The following GNAZ variants were observed in gnomAD, a reference collection of about 807,000 sequenced individuals.
GNAZ encodes the protein guanine nucleotide-binding protein G(z) subunit alpha.
A neutral mutation model predicts 25.4 loss-of-function variants in GNAZ; 3 were observed. The ratio of observed to expected loss-of-function variants is 0.12; its 90% CI spans 0.05 to 0.30. GNAZ has a LOEUF of 0.30. GNAZ is among the 10% of genes least tolerant of loss of function. The pLI is 1.00. For missense variants in GNAZ, 241 were observed against 501.8 expected (o/e 0.48, Z 4.97); for synonymous variants, 211 against 205.7 (o/e 1.03, Z -0.22).
chr22:23,090,327 C>T (rs2068935700), intron 1 of GNAZ, among the ~76,000 whole-genome samples: 1 of 152,296 alleles, frequency 6.6e-6, no homozygotes, highest in African/African-American at 2.4e-5. Flanking sequence ...TCACCAGGCA[C>T]TGTGCACCGT....
At chr22:23,114,554 C>CA in intron 2 of GNAZ, among the ~76,000 whole-genome samples, 1 of 152,230 alleles carries the variant, frequency 6.6e-6, no homozygotes, top group Non-Finnish European at 1.5e-5. Flanking sequence ...TGTCACCTGT[C>CA]AGAGTTGTAG....
intron 1 of GNAZ, among the ~76,000 whole-genome samples, chr22:23,093,056 C>G (rs550301800): frequency 2.0e-5 from 3 of 152,344 alleles, no homozygotes; most frequent in Admixed American, 6.5e-5. Flanking sequence ...GACAAGGGAG[C>G]AGCCACAGGG....
At chr22:23,079,912 T>C (rs2068628023) in intron 1 of GNAZ, among the ~76,000 whole-genome samples, 1 of 152,134 alleles carries the variant, frequency 6.6e-6, no homozygotes, top group Admixed American at 6.5e-5. Flanking sequence ...GGGATGGGAT[T>C]GTGGGATGCC....
At chr22:23,100,606 C>A (rs533783686) in intron 2 of GNAZ, among the ~76,000 whole-genome samples, 2 of 152,340 alleles carry the variant, frequency 1.3e-5, no homozygotes, top group East Asian at 3.9e-4. Flanking sequence ...AACCCCTCCC[C>A]ACTCCAGGGC....
intron 1 of GNAZ, among the ~76,000 whole-genome samples, chr22:23,092,804 C>A (rs1477445943): frequency 2.0e-5 from 3 of 152,222 alleles, no homozygotes; most frequent in Non-Finnish European, 4.4e-5. Flanking sequence ...AGCTTCTCTG[C>A]CCACCACTGG....
intron 1 of GNAZ, among the ~76,000 whole-genome samples, chr22:23,080,504 A>G (rs2068646014): frequency 6.6e-6 from 1 of 152,232 alleles, no homozygotes; most frequent in African/African-American, 2.4e-5. Context: ...TGCTCGGACT[A>G]TGGCTTCAGG....
At chr22:23,073,169 A>G (rs1199356696) in intron 1 of GNAZ, among the ~76,000 whole-genome samples, 1 of 152,240 alleles carries the variant, frequency 6.6e-6, no homozygotes. Context: ...GCTGCTGACC[A>G]TGGCAGGTGC....
chr22:23,080,373 C>T (rs571610676), intron 1 of GNAZ, among the ~76,000 whole-genome samples: 3 of 151,456 alleles, frequency 2.0e-5, no homozygotes, highest in Non-Finnish European at 2.9e-5. Context: ...CTCATCTCCC[C>T]GGTCATCTCA....
chr22:23,085,126 C>T (rs1207955184), intron 1 of GNAZ, among the ~76,000 whole-genome samples: 1 of 152,164 alleles, frequency 6.6e-6, no homozygotes, highest in Non-Finnish European at 1.5e-5. Context: ...GGCAGCTTCT[C>T]CCCAGGCTAA....
chr22:23,081,821 CA>C (rs55713577), intron 1 of GNAZ, among the ~76,000 whole-genome samples: 15,233 of 46,534 alleles, frequency 0.33, 457 homozygotes, highest in African/African-American at 0.4. Flanking sequence ...GATTCCATCT[CA>C]AAAAAAAAAA....
At chr22:23,087,962 G>A (rs953455710) in intron 1 of GNAZ, among the ~76,000 whole-genome samples, 3 of 152,216 alleles carry the variant, frequency 2.0e-5, no homozygotes, top group African/African-American at 7.2e-5. Flanking sequence ...TACAAAGGCA[G>A]TCTAGTGCCC....
chr22:23,070,851 A>T (rs1482051547), intron 1 of GNAZ: 1 of 151,010 alleles, frequency 6.6e-6, no homozygotes, highest in Non-Finnish European at 1.5e-5. Flanking sequence ...AGGACCCGGG[A>T]GGGTGGACAG....
chr22:23,115,233 T>C (rs2157709), intron 2 of GNAZ, among the ~76,000 whole-genome samples: 78,072 of 151,954 alleles, frequency 0.51, 20,369 homozygotes, highest in Middle Eastern at 0.57. Flanking sequence ...TATTCCCCAA[T>C]ACAACACAGT....
intron 1 of GNAZ, among the ~76,000 whole-genome samples, chr22:23,082,168 A>C (rs1205023714): frequency 6.6e-6 from 1 of 150,582 alleles, no homozygotes; most frequent in Non-Finnish European, 1.5e-5. Context: ...ATATATGTGT[A>C]ATAATGTCGG....
chr22:23,079,514 G>A (rs2068613407), intron 1 of GNAZ, among the ~76,000 whole-genome samples: 1 of 152,162 alleles, frequency 6.6e-6, no homozygotes, highest in Admixed American at 6.5e-5. Context: ...GCACAGCCCT[G>A]GTGCCCTGGC....
At position 23,070,951 on chromosome 22, in the gene GNAZ, G is replaced by A. The variant is rs538176984; in HGVS notation, c.-450+381G>A. 2.8e-3 allele frequency among the ~76,000 whole-genome samples: 427 copies of A among 151,920 alleles called. 1 individual carries two copies. Among genetic ancestry groups the A allele is most frequent in the African/African-American group, 9.8e-3 (406 of 41,276 alleles). Reference sequence around the variant, plus strand: ...GGCGGGCCAGGCGAGCTGCGGGAGCGGCGCTGAGGCGGGTCTCCCTAGGGG... The same window carrying A: ...GGCGGGCCAGGCGAGCTGCGGGAGCAGCGCTGAGGCGGGTCTCCCTAGGGG... On this transcript the variant is annotated intron_variant, in intron 1 of 2. Coordinates refer to ENST00000615612, the MANE Select transcript of GNAZ (RefSeq NM_002073.4).
chr22:23,077,312 G>C (rs2068533480), intron 1 of GNAZ, among the ~76,000 whole-genome samples: 1 of 152,170 alleles, frequency 6.6e-6, no homozygotes, highest in South Asian at 2.1e-4. Context: ...CTTGCTGACT[G>C]TCTCTTCTCT....
intron 2 of GNAZ, among the ~76,000 whole-genome samples, chr22:23,120,710 C>T (rs906628770): frequency 2.6e-5 from 4 of 152,018 alleles, no homozygotes; most frequent in Non-Finnish European, 4.4e-5. Context: ...GGCCAGATCA[C>T]GCCCTTCCCA....
intron 1 of GNAZ, among the ~76,000 whole-genome samples, chr22:23,072,639 A>G (rs928329649): frequency 1.3e-5 from 2 of 152,216 alleles, no homozygotes; most frequent in Non-Finnish European, 2.9e-5. Context: ...TGCAGCGAGA[A>G]CAGGGCCTGC....
Sources: allele counts gnomAD v4.1 joint callset (sites outside exome capture counted in the v4.1 genomes callset), GRCh38; gene constraint gnomAD v4.1.1; transcripts MANE v1.5; gene names NCBI Gene and HGNC (gene_info 2026-07-23, HGNC 2026-07-21).